The following MCTP1 variants were observed in gnomAD, a reference collection of about 807,000 sequenced individuals.
The protein encoded by MCTP1 is multiple C2 and transmembrane domain containing 1.
In MCTP1, 69 loss-of-function variants were observed where a neutral mutation model predicts 120.6. That is an observed-to-expected ratio of 0.57 (90% CI 0.47 to 0.70). The LOEUF is 0.70. Among genes scored for constraint, MCTP1 ranks in the 30% least tolerant of loss-of-function variants. MCTP1 has a pLI of 0.00. For missense variants in MCTP1, 1,203 were observed against 1,248.8 expected (o/e 0.96, Z 0.55); for synonymous variants, 529 against 493.1 (o/e 1.07, Z -0.96).
At chr5:94,726,035 C>T (rs1762059998) in intron 19 of MCTP1, among the ~76,000 whole-genome samples, 1 of 152,140 alleles carries the variant, frequency 6.6e-6, no homozygotes, top group Non-Finnish European at 1.5e-5. Context: ...GCTTGTAAAA[C>T]TTCTTTGTCA....
intron 1 of MCTP1, among the ~76,000 whole-genome samples, chr5:95,179,126 A>T (rs1562213112): frequency 2.0e-5 from 3 of 152,210 alleles, no homozygotes; most frequent in Non-Finnish European, 2.9e-5. Flanking sequence ...TCTGACAAAG[A>T]CAAAGACAAA....
intron 1 of MCTP1, among the ~76,000 whole-genome samples, chr5:95,157,481 T>G (rs989234610): frequency 3.9e-5 from 6 of 152,238 alleles, no homozygotes; most frequent in South Asian, 4.1e-4. Context: ...TGAATTCAGC[T>G]GCCCTGTAGA....
At chr5:94,715,885 A>AT (rs1269733878) in intron 19 of MCTP1, among the ~76,000 whole-genome samples, 1 of 152,220 alleles carries the variant, frequency 6.6e-6, no homozygotes, top group Non-Finnish European at 1.5e-5. Context: ...CTTGCACACT[A>AT]TGCCAGAACA....
At chr5:94,939,800 T>C (rs1817129235) in intron 5 of MCTP1, among the ~76,000 whole-genome samples, 1 of 152,058 alleles carries the variant, frequency 6.6e-6, no homozygotes, top group African/African-American at 2.4e-5. Flanking sequence ...AAATGAATAC[T>C]AATATTTGCC....
At chr5:94,976,838 T>C (rs1192882757) in intron 2 of MCTP1, 2 of 152,074 alleles carry the variant, frequency 1.3e-5, no homozygotes, top group African/African-American at 4.8e-5. Context: ...TACCTCATAA[T>C]AAAGGCCAGA....
intron 1 of MCTP1, among the ~76,000 whole-genome samples, chr5:95,148,256 C>A (rs1180035765): frequency 6.6e-6 from 1 of 152,132 alleles, no homozygotes. Context: ...ACCTCTCTGG[C>A]AAGATTGGGA....
chr5:95,205,138 C>G (rs1346039334), intron 1 of MCTP1, among the ~76,000 whole-genome samples: 2 of 152,006 alleles, frequency 1.3e-5, no homozygotes, highest in Admixed American at 6.6e-5. Flanking sequence ...GTCATGAGAA[C>G]AGAAATACAG....
intron 1 of MCTP1, among the ~76,000 whole-genome samples, chr5:95,257,991 G>A (rs976139357): frequency 6.6e-6 from 1 of 152,182 alleles, no homozygotes; most frequent in Admixed American, 6.6e-5. Flanking sequence ...ATATATGATT[G>A]AATAAATAAT....
At chr5:94,722,122 A>G (rs1194437410) in intron 19 of MCTP1, among the ~76,000 whole-genome samples, 2 of 152,196 alleles carry the variant, frequency 1.3e-5, no homozygotes, top group African/African-American at 4.8e-5. Flanking sequence ...ATTCTTCCAA[A>G]GAAGTACCTA....
chr5:94,751,686 G>C (rs564753831), intron 19 of MCTP1, among the ~76,000 whole-genome samples: 1 of 152,234 alleles, frequency 6.6e-6, no homozygotes, highest in East Asian at 1.9e-4. Flanking sequence ...CTTTGAGAGT[G>C]TCAGCAAAGC....
chr5:94,723,140 G>A (rs764069004), intron 19 of MCTP1, among the ~76,000 whole-genome samples: 6 of 152,060 alleles, frequency 3.9e-5, no homozygotes, highest in Non-Finnish European at 7.4e-5. Flanking sequence ...GAGTCCCTTG[G>A]CTACTGAATC....
At chr5:95,268,531 A>G (rs750660117) in intron 1 of MCTP1, among the ~76,000 whole-genome samples, 18 of 152,352 alleles carry the variant, frequency 1.2e-4, no homozygotes, top group Non-Finnish European at 2.2e-4. Flanking sequence ...TTGGAAGGCC[A>G]GGAGGTTTGC....
At chr5:94,734,540 T>C (rs1763783760) in intron 19 of MCTP1, among the ~76,000 whole-genome samples, 1 of 152,228 alleles carries the variant, frequency 6.6e-6, no homozygotes, top group African/African-American at 2.4e-5. Flanking sequence ...ATTGAACATA[T>C]ACATTTGTTG....
chr5:94,707,696 C>T, intron 22 of MCTP1, 129 bp from the exon 23 acceptor site: 2 of 677,534 alleles, frequency 3.0e-6, no homozygotes, highest in Non-Finnish European at 5.3e-6. Context: ...ATGGGATCTG[C>T]AGCTGAGATG....
At chr5:94,925,584 A>G (rs1812871545) in intron 6 of MCTP1, among the ~76,000 whole-genome samples, 1 of 151,902 alleles carries the variant, frequency 6.6e-6, no homozygotes, top group Non-Finnish European at 1.5e-5. Context: ...AATTATTTGT[A>G]TTTTTTAGTA....
chr5:94,875,635 A>C (rs967842021), intron 12 of MCTP1, among the ~76,000 whole-genome samples: 5 of 149,224 alleles, frequency 3.4e-5, no homozygotes, highest in African/African-American at 1.2e-4. Context: ...TTCTGGATAT[A>C]TTTTGAAGGG....
intron 19 of MCTP1, among the ~76,000 whole-genome samples, chr5:94,728,751 G>A (rs1034643564): frequency 6.6e-6 from 1 of 152,098 alleles, no homozygotes; most frequent in African/African-American, 2.4e-5. Flanking sequence ...TTTTCTGCCT[G>A]ATTTCTCTCT....
chr5:94,724,998 C>G (rs1440471744), intron 19 of MCTP1, among the ~76,000 whole-genome samples: 1 of 151,998 alleles, frequency 6.6e-6, no homozygotes, highest in Non-Finnish European at 1.5e-5. Flanking sequence ...CTTTCAACCA[C>G]GATAACACAA....
intron 1 of MCTP1, among the ~76,000 whole-genome samples, chr5:95,200,355 CA>C (rs1750877408): frequency 6.6e-6 from 1 of 151,988 alleles, no homozygotes; most frequent in Admixed American, 6.5e-5. Flanking sequence ...GGTATATATT[CA>C]AAGGGAATAA....
Sources: allele counts gnomAD v4.1 joint callset (sites outside exome capture counted in the v4.1 genomes callset), GRCh38; gene constraint gnomAD v4.1.1; transcripts MANE v1.5; gene names NCBI Gene and HGNC (gene_info 2026-07-23, HGNC 2026-07-21).